THTPA: variants seen among roughly 807,000 people sequenced by gnomAD.
THTPA encodes the protein thiamine-triphosphatase.
A neutral mutation model predicts 16.5 loss-of-function variants in THTPA; 16 were observed. The ratio of observed to expected loss-of-function variants is 0.97; its 90% CI spans 0.66 to 1.47. The LOEUF is 1.47. THTPA is among the 40% of genes most tolerant of loss of function. The pLI is 0.00. For missense variants in THTPA, 281 were observed against 280.9 expected, an observed-to-expected ratio of 1.00 and a Z score of 0.00; for synonymous variants, 110 against 115.5, an observed-to-expected ratio of 0.95 and a Z score of 0.30.
At chr14:23,534,712 C>G in the THTPA span, 2 of 1,536,190 alleles carry the variant, frequency 1.3e-6, no homozygotes, top group Non-Finnish European at 1.7e-6. The surrounding 1 kb of genome is among the most constrained non-coding windows in gnomAD (Gnocchi z 4.5). Flanking sequence ...CCAGAAAGCT[C>G]CATGCCTTTC....
At chr14:23,530,040 G>T in the THTPA span, 1 of 1,337,260 alleles carries the variant, frequency 7.5e-7, no homozygotes, top group Non-Finnish European at 1.0e-6. Flanking sequence ...CACAGACATT[G>T]CTGGGCTCCT....
the THTPA span, chr14:23,531,319 C>T: frequency 9.4e-4 from 1,023 of 1,090,998 alleles, 7 homozygotes; most frequent in African/African-American, 0.011. Flanking sequence ...GTGCCTGACA[C>T]GCTCATTCTG....
rs1248695065 is a variant in THTPA, at chr14:23,560,034, ACT to A, written c.*1197_*1198del. On this transcript the variant is annotated 3_prime_UTR_variant, in exon 2 of 2. Coordinates refer to ENST00000288014, the MANE Select transcript of THTPA (RefSeq NM_024328.6). ...TGGGGGCCTGCAGCTGCAGCTGGAGACTCTGAACACAGGAGTTTAACAGAGCA... is the reference window on the plus strand; with the variant it reads ...TGGGGGCCTGCAGCTGCAGCTGGAGACTGAACACAGGAGTTTAACAGAGCA... The A allele has an allele frequency of 4.9e-5, 78 of 1,599,524 alleles. No homozygotes were observed. The highest frequency in any genetic ancestry group is 6.1e-5 in the Non-Finnish European group (71 of 1,169,690).
At chr14:23,525,723 C>T in the THTPA span, 6 of 1,515,316 alleles carry the variant, frequency 4.0e-6, no homozygotes, top group Non-Finnish European at 5.3e-6. This position sits in a 1 kb window ranked among gnomAD's most constrained non-coding sequence, Gnocchi z 5.9. Context: ...CACTCCCGCT[C>T]AGCCAGCTCA....
the THTPA span, chr14:23,543,333 A>G: frequency 5.9e-5 from 9 of 151,516 alleles, no homozygotes; most frequent in African/African-American, 1.9e-4. Context: ...CTGCTTAAAA[A>G]GAAGTAGAGT....
the THTPA span, chr14:23,532,800 G>A: frequency 6.5e-7 from 1 of 1,536,520 alleles, no homozygotes; most frequent in Non-Finnish European, 8.7e-7. Context: ...GTCTTGAGGT[G>A]GAGTTGGAAG....
the THTPA span, chr14:23,533,704 G>A: frequency 1.3e-5 from 20 of 1,541,806 alleles, no homozygotes; most frequent in Admixed American, 5.8e-5. This position sits in a 1 kb window ranked among gnomAD's most constrained non-coding sequence, Gnocchi z 4.8. Flanking sequence ...ACCAGGGCCC[G>A]CCTGGAAGCC....
chr14:23,526,113 G>T, the THTPA span: 1 of 1,536,448 alleles, frequency 6.5e-7, no homozygotes, highest in Non-Finnish European at 8.7e-7. Context: ...TTGGTTCCCC[G>T]AGAGCGAGTC....
chr14:23,522,408 C>G, the THTPA span: 18 of 1,536,402 alleles, frequency 1.2e-5, no homozygotes, highest in African/African-American at 2.1e-4. Flanking sequence ...TCCCCCTCCC[C>G]TGGAGCAGGC....
the THTPA span, chr14:23,527,946 AC>A: frequency 1.3e-6 from 1 of 752,794 alleles, no homozygotes; most frequent in Non-Finnish European, 2.0e-6. Context: ...TGGCTCTGTC[AC>A]CCAGGCCGGA....
chr14:23,557,521 C>T (rs544969792), intron 1 of THTPA, among the ~76,000 whole-genome samples: 1 of 152,216 alleles, frequency 6.6e-6, no homozygotes, highest in African/African-American at 2.4e-5. Context: ...CAGGTGTGAG[C>T]CTCTGTGCCT....
At chr14:23,512,469 GAAA>G in the THTPA span, among the ~76,000 whole-genome samples, 87 of 151,362 alleles carry the variant, frequency 5.7e-4, 1 homozygote, top group African/African-American at 1.8e-3. Flanking sequence ...TAGAAGAGGA[GAAA>G]AAAAAGAAAC....
At chr14:23,523,057 T>C in the THTPA span, 1 of 1,403,042 alleles carries the variant, frequency 7.1e-7, no homozygotes, top group Non-Finnish European at 9.2e-7. This position sits in a 1 kb window ranked among gnomAD's most constrained non-coding sequence, Gnocchi z 4.1. Context: ...TCCATGCCCC[T>C]TCCCTCCCTT....
chr14:23,541,669 A>G, the THTPA span, among the ~76,000 whole-genome samples: 2 of 152,344 alleles, frequency 1.3e-5, no homozygotes, highest in South Asian at 2.1e-4. Context: ...CCATTATTCC[A>G]GAGCAAAGAG....
the THTPA span, chr14:23,523,003 A>G: frequency 2.8e-6 from 4 of 1,423,574 alleles, no homozygotes; most frequent in Non-Finnish European, 3.7e-6. This position sits in a 1 kb window ranked among gnomAD's most constrained non-coding sequence, Gnocchi z 4.1. Context: ...TCTTCCTGCC[A>G]TAGGCCACCT....
Position 23,559,865 on chromosome 14 carries a change from G to A in THTPA, c.*1025G>A. ...CGCAGGGGGGCCTAGGAATAGGAGA[G>A]CAGGGACCAGGGTTAGCACCCACGG... is the stretch of plus-strand genomic sequence containing the variant. On this transcript the variant is annotated 3_prime_UTR_variant, in exon 2 of 2. Transcript: ENST00000288014. 6.2e-7 allele frequency: 1 copy of A among 1,613,858 alleles called. No homozygotes were observed. Among genetic ancestry groups the A allele is most frequent in the South Asian group, 1.1e-5 (1 of 91,056 alleles).
At chr14:23,557,499 G>A (rs572928363) in intron 1 of THTPA, among the ~76,000 whole-genome samples, 195 bp downstream of exon 1, 2 of 152,300 alleles carry the variant, frequency 1.3e-5, no homozygotes, top group East Asian at 1.9e-4. Context: ...GCCTTCCAAA[G>A]TGCTGGGATT....
At chr14:23,535,568 T>A in the THTPA span, among the ~76,000 whole-genome samples, 1 of 152,098 alleles carries the variant, frequency 6.6e-6, no homozygotes, top group Non-Finnish European at 1.5e-5. The surrounding 1 kb of genome is among the most constrained non-coding windows in gnomAD (Gnocchi z 4.5). Flanking sequence ...CTCTTCATTT[T>A]ATTTATTTTA....
chr14:23,533,251 G>T, the THTPA span: 1 of 1,106,036 alleles, frequency 9.0e-7, no homozygotes, highest in East Asian at 3.0e-5. This position sits in a 1 kb window ranked among gnomAD's most constrained non-coding sequence, Gnocchi z 4.8. Flanking sequence ...TGGCCCTGGG[G>T]AGGAGAGAAG....
Sources: gnomAD v4.1 joint callset for allele counts (sites outside exome capture counted in the v4.1 genomes callset) on GRCh38, gnomAD v4.1.1 for gene constraint, Gnocchi (gnomAD v3.1) non-coding constraint, MANE v1.5 for transcripts, NCBI Gene and HGNC (gene_info 2026-07-23, HGNC 2026-07-21) for gene names.